RNF152: variants seen among roughly 807,000 people sequenced by gnomAD.
RNF152 encodes E3 ubiquitin-protein ligase RNF152.
Under a neutral mutation model 12.7 loss-of-function variants are expected in RNF152, and 11 were observed. The observed-to-expected ratio is 0.86, with a 90% CI of 0.54 to 1.43. The LOEUF (loss-of-function observed/expected upper bound fraction) is 1.43. Ranked by LOEUF, RNF152 falls within the 40% of genes most tolerant of loss-of-function variation. RNF152 has a pLI of 0.00. For synonymous variants in RNF152, 113 were observed against 120.3 expected, an observed-to-expected ratio of 0.94 and a Z score of 0.40; for missense variants, 255 against 274.8, an observed-to-expected ratio of 0.93 and a Z score of 0.51.
chr18:61,861,394 C>G (rs1911474193), intron 1 of RNF152, among the ~76,000 whole-genome samples: 1 of 152,146 alleles, frequency 6.6e-6, no homozygotes, highest in African/African-American at 2.4e-5. Flanking sequence ...ATATGCTGTA[C>G]AGGTTTGCAG....
At chr18:61,871,082 C>T (rs1238075403) in intron 1 of RNF152, among the ~76,000 whole-genome samples, 6 of 152,050 alleles carry the variant, frequency 3.9e-5, no homozygotes, top group Admixed American at 3.3e-4. Context: ...TTACCTTAGG[C>T]TTCGATTCAC....
chr18:61,868,124 T>C (rs1458533011), intron 1 of RNF152, among the ~76,000 whole-genome samples: 4 of 152,160 alleles, frequency 2.6e-5, no homozygotes, highest in Non-Finnish European at 5.9e-5. Context: ...CTCCAGTCAT[T>C]TTCCTCGTAG....
chr18:61,839,931 A>G (rs796259264), intron 1 of RNF152, among the ~76,000 whole-genome samples: 3 of 152,256 alleles, frequency 2.0e-5, no homozygotes, highest in African/African-American at 7.2e-5. Context: ...TTCAGGCTCA[A>G]CTTGTATTTC....
chr18:61,845,904 C>CCAATGTGA (rs2144683664), intron 1 of RNF152, among the ~76,000 whole-genome samples: 1 of 150,304 alleles, frequency 6.7e-6, no homozygotes, highest in African/African-American at 2.4e-5. Flanking sequence ...AAGGTATTAA[C>CCAATGTGA]AGGTGGGGCT....
Position 61,816,135 on chromosome 18 carries a change from C to A in RNF152, c.329G>T (p.Arg110Leu), listed in dbSNP as rs140910064. 4 of 1,614,210 alleles carry A rather than the reference C, an allele frequency of 2.5e-6. No individual in the cohort carries two copies. The South Asian group carries it at 4.4e-5, about 18-fold the overall frequency. Residue 110 changes from arginine (R) to leucine (L), a missense_variant, in exon 2 of 2, where the codon CGT becomes CTT. Physicochemically the swap from Arg to Leu is moderately radical, Grantham distance 102. Transcript: ENST00000312828. ...YMLPLPISKERALLPGDMGCR... is the reference protein window; with the variant it reads ...YMLPLPISKELALLPGDMGCR... ...GCCCATGTCTCCGGGCAGCAGCGCACGCTCCTTGGAGATGGGCAGGGGCAG... is the reference window on the plus strand; with the variant it reads ...GCCCATGTCTCCGGGCAGCAGCGCAAGCTCCTTGGAGATGGGCAGGGGCAG...
intron 1 of RNF152, among the ~76,000 whole-genome samples, chr18:61,856,460 A>G (rs1346267710): frequency 7.2e-5 from 11 of 152,086 alleles, no homozygotes; most frequent in Non-Finnish European, 1.3e-4. Flanking sequence ...AAAGGAAGGG[A>G]GGGGATGGGA....
At chr18:61,834,669 A>C (rs1434372422) in intron 1 of RNF152, among the ~76,000 whole-genome samples, 1 of 129,140 alleles carries the variant, frequency 7.7e-6, no homozygotes, top group Non-Finnish European at 1.8e-5. Flanking sequence ...AAACTAACTG[A>C]AATTAGGCCA....
Position 61,851,849 on chromosome 18 carries a change from G to A in RNF152, c.-135-35251C>T, listed in dbSNP as rs145924311. On this transcript the variant is annotated intron_variant, in intron 1 of 1. Coordinates refer to ENST00000312828, the MANE Select transcript of RNF152 (RefSeq NM_173557.3). ...TATCTGTTCTTATACAGCAGTACAT[G>A]AATATAATAAACTTATTCTACAGGC... Among the ~76,000 whole-genome samples, 3 of 152,272 alleles carry A rather than the reference G, an allele frequency of 2.0e-5. No homozygotes were observed. The East Asian group carries it at 5.8e-4, about 29-fold the overall frequency.
intron 1 of RNF152, among the ~76,000 whole-genome samples, chr18:61,834,413 G>T (rs1171921824): frequency 6.6e-6 from 1 of 152,196 alleles, no homozygotes; most frequent in Non-Finnish European, 1.5e-5. Flanking sequence ...TTTCTAGAAT[G>T]ATCATATTTT....
At chr18:61,867,917 C>A (rs1257684231) in intron 1 of RNF152, among the ~76,000 whole-genome samples, 1 of 152,196 alleles carries the variant, frequency 6.6e-6, no homozygotes, top group South Asian at 2.1e-4. Flanking sequence ...CATAAAAATA[C>A]AACTTTACTA....
At chr18:61,856,834 G>A (rs1490411368) in intron 1 of RNF152, among the ~76,000 whole-genome samples, 2 of 152,100 alleles carry the variant, frequency 1.3e-5, no homozygotes, top group African/African-American at 4.8e-5. Context: ...GGAGAGCCCA[G>A]GAAAAAAGCG....
In RNF152 at chr18:61,842,089, T is replaced by A. The variant is rs909431008; in HGVS notation, c.-135-25491A>T. Reference sequence around the variant, plus strand: ...TCTAATAGCAAATCACAAAACTAAATTCAGCTCTGAGTTTTATTAAGGGTT... The same window carrying A: ...TCTAATAGCAAATCACAAAACTAAAATCAGCTCTGAGTTTTATTAAGGGTT... On this transcript the variant is annotated intron_variant, in intron 1 of 1. Coordinates refer to ENST00000312828, the MANE Select transcript of RNF152 (RefSeq NM_173557.3). 2.0e-5 allele frequency among the ~76,000 whole-genome samples: 3 copies of A among 152,346 alleles called. No homozygotes were observed. In the East Asian group the frequency reaches 5.8e-4, roughly 29 times the overall value.
At chr18:61,874,712 T>C (rs1036813305) in intron 1 of RNF152, among the ~76,000 whole-genome samples, 3 of 152,338 alleles carry the variant, frequency 2.0e-5, no homozygotes, top group Non-Finnish European at 2.9e-5. Flanking sequence ...TGTAGTTCTC[T>C]GGTGAATAGT....
At chr18:61,834,560 C>T (rs1367358991) in intron 1 of RNF152, among the ~76,000 whole-genome samples, 3 of 152,130 alleles carry the variant, frequency 2.0e-5, no homozygotes, top group Non-Finnish European at 4.4e-5. Flanking sequence ...AAAGAAGACC[C>T]CAAGGACAGG....
At chr18:61,844,518 G>GTAA (rs1254750770) in intron 1 of RNF152, among the ~76,000 whole-genome samples, 4 of 152,200 alleles carry the variant, frequency 2.6e-5, no homozygotes, top group Non-Finnish European at 1.5e-5. Flanking sequence ...GCTCTGGTGG[G>GTAA]TTTTATGTGC....
At chr18:61,880,765 C>A (rs1362462559) in intron 1 of RNF152, among the ~76,000 whole-genome samples, 3 of 152,122 alleles carry the variant, frequency 2.0e-5, no homozygotes, top group Admixed American at 6.6e-5. Flanking sequence ...AATTATGAAG[C>A]CAACACCACC....
Position 61,816,330 on chromosome 18 carries a change from C to T in RNF152, c.134G>A (p.Ser45Asn). Residue 45 changes from serine to asparagine, a missense_variant, in exon 2 of 2, where the codon AGC (serine) becomes AAC (asparagine). Coordinates refer to ENST00000312828, the MANE Select transcript of RNF152 (RefSeq NM_173557.3). ...CCAGGGGCACCGCACATCCTTCTGGCTGGTCCTCATCTGCTGCAGGCACAC... is the reference window on the plus strand; with the variant it reads ...CCAGGGGCACCGCACATCCTTCTGGTTGGTCCTCATCTGCTGCAGGCACAC... ...CSVCLQQMRT[S>N]QKDVRCPWCR... The T allele has an allele frequency of 6.2e-7, 1 of 1,614,228 alleles. No individual in the cohort carries two copies. The highest frequency in any genetic ancestry group is 2.2e-5 in the East Asian group (1 of 44,872).
intron 1 of RNF152, among the ~76,000 whole-genome samples, chr18:61,866,665 T>A (rs546241248): frequency 6.6e-6 from 1 of 152,310 alleles, no homozygotes; most frequent in African/African-American, 2.4e-5. Flanking sequence ...CCATGTCTCC[T>A]CTCCCTGCTG....
At chr18:61,876,604 G>T (rs1202678049) in intron 1 of RNF152, among the ~76,000 whole-genome samples, 3 of 152,236 alleles carry the variant, frequency 2.0e-5, no homozygotes, top group Non-Finnish European at 2.9e-5. Flanking sequence ...GTGGCTTACA[G>T]CATCAATGCT....
Sources: gnomAD v4.1 joint callset for allele counts (sites outside exome capture counted in the v4.1 genomes callset) on GRCh38, gnomAD v4.1.1 for gene constraint, MANE v1.5 for transcripts, NCBI Gene and HGNC (gene_info 2026-07-23, HGNC 2026-07-21) for gene names.